The following OSBP2 variants were observed in gnomAD, a reference collection of about 807,000 sequenced individuals.
The protein encoded by OSBP2 is oxysterol-binding protein 2.
Under a neutral mutation model 96.0 loss-of-function variants are expected in OSBP2, and 66 were observed. That is an observed-to-expected ratio of 0.69 (90% CI 0.56 to 0.84). The LOEUF is 0.84. Ranked by LOEUF, OSBP2 falls within the 40% of genes least tolerant of loss-of-function variation. OSBP2 has a pLI of 0.00. For missense variants in OSBP2, 1,038 were observed against 1,222.7 expected, an observed-to-expected ratio of 0.85 and a Z score of 2.25; for synonymous variants, 525 against 520.9, an observed-to-expected ratio of 1.01 and a Z score of -0.11.
chr22:30,825,359 A>G (rs1424270908), intron 2 of OSBP2, among the ~76,000 whole-genome samples: 1 of 152,130 alleles, frequency 6.6e-6, no homozygotes, highest in African/African-American at 2.4e-5. Flanking sequence ...ATGGTGGCGT[A>G]TGCCTGTAAT....
chr22:30,799,158 G>T (rs1419178814), intron 2 of OSBP2, among the ~76,000 whole-genome samples: 2 of 149,472 alleles, frequency 1.3e-5, no homozygotes, highest in Admixed American at 6.7e-5. Context: ...CGCCCAGGCT[G>T]GAGTGCAGCG....
intron 3 of OSBP2, among the ~76,000 whole-genome samples, chr22:30,879,026 CAG>C (rs2039642940): frequency 6.6e-6 from 1 of 152,190 alleles, no homozygotes; most frequent in African/African-American, 2.4e-5. Flanking sequence ...GGCCCTCAGA[CAG>C]GGCTTCTGAT....
At chr22:30,722,090 C>G (rs1602170117) in intron 1 of OSBP2, among the ~76,000 whole-genome samples, 1 of 152,098 alleles carries the variant, frequency 6.6e-6, no homozygotes, top group East Asian at 1.9e-4. Flanking sequence ...GAAATAGATC[C>G]AGCCCTGTGC....
intron 1 of OSBP2, among the ~76,000 whole-genome samples, chr22:30,730,806 ATAATT>A (rs778658244): frequency 0.029 from 1,187 of 41,530 alleles, 127 homozygotes; most frequent in Middle Eastern, 0.069. Context: ...ATATATATAT[ATAATT>A]TTTTTTTTTT....
chr22:30,855,541 G>A (rs937490897), intron 2 of OSBP2, among the ~76,000 whole-genome samples: 2 of 152,182 alleles, frequency 1.3e-5, no homozygotes, highest in Non-Finnish European at 2.9e-5. Flanking sequence ...TGCTGCACAG[G>A]TCTCTGTCTT....
In OSBP2 at chr22:30,749,237, A is replaced by C. The variant is rs140276870; in HGVS notation, c.853+7868A>C. 4.8e-4 allele frequency among the ~76,000 whole-genome samples: 73 copies of C among 152,358 alleles called. No individual in the cohort carries two copies. The East Asian group carries it at 0.013, about 27-fold the overall frequency. ...TAATTCTTGATTTTAGCAAGAATTT[A>C]TGAGTGTACTATTATTTTTAAATCA... On this transcript the variant is annotated intron_variant, in intron 2 of 13. Coordinates refer to ENST00000332585, the MANE Select transcript of OSBP2 (RefSeq NM_030758.4).
chr22:30,709,245 A>C (rs867244423), intron 1 of OSBP2, among the ~76,000 whole-genome samples: 5 of 152,152 alleles, frequency 3.3e-5, no homozygotes, highest in African/African-American at 9.7e-5. Context: ...AAATGTCATA[A>C]ATTTTTTTTT....
intron 2 of OSBP2, among the ~76,000 whole-genome samples, chr22:30,828,936 G>A (rs537454823): frequency 1.3e-5 from 2 of 152,204 alleles, no homozygotes; most frequent in South Asian, 4.1e-4. Flanking sequence ...GGAGGGAAAA[G>A]AGGGTCATGA....
chr22:30,900,242 G>A (rs764859342), intron 12 of OSBP2, among the ~76,000 whole-genome samples: 5 of 142,650 alleles, frequency 3.5e-5, no homozygotes, highest in Admixed American at 7.2e-5. Context: ...CAACAAGAGC[G>A]AAACTCCATC....
At chr22:30,851,602 C>T (rs114951490) in intron 2 of OSBP2, among the ~76,000 whole-genome samples, 1 of 152,100 alleles carries the variant, frequency 6.6e-6, no homozygotes, top group African/African-American at 2.4e-5. Context: ...CCTTATTGCA[C>T]TGACTGGAAC....
At chr22:30,875,334 C>A (rs2039555566) in intron 3 of OSBP2, among the ~76,000 whole-genome samples, 2 of 152,010 alleles carry the variant, frequency 1.3e-5, no homozygotes, top group Non-Finnish European at 2.9e-5. Context: ...TCCAGCCTCC[C>A]TCTGCCTTGT....
At chr22:30,821,642 A>G (rs2146978840) in intron 2 of OSBP2, among the ~76,000 whole-genome samples, 1 of 152,200 alleles carries the variant, frequency 6.6e-6, no homozygotes, top group African/African-American at 2.4e-5. Context: ...CCCACCACAC[A>G]TCCCACGGAG....
intron 1 of OSBP2, among the ~76,000 whole-genome samples, chr22:30,733,308 A>C (rs1408120016): frequency 6.6e-6 from 1 of 152,228 alleles, no homozygotes; most frequent in Non-Finnish European, 1.5e-5. Context: ...GCTTTGCAGC[A>C]AACTGTAAGG....
chr22:30,712,917 G>GT (rs1479271752), intron 1 of OSBP2, among the ~76,000 whole-genome samples: 4 of 151,432 alleles, frequency 2.6e-5, no homozygotes, highest in South Asian at 2.1e-4. Context: ...GGTTTTTGTT[G>GT]TTTTTTTTGA....
chr22:30,851,191 A>G (rs749180960), intron 2 of OSBP2, among the ~76,000 whole-genome samples: 9 of 152,008 alleles, frequency 5.9e-5, no homozygotes, highest in Non-Finnish European at 1.0e-4. Context: ...CCTCCTGAGT[A>G]GCTAGAATTA....
chr22:30,823,249 C>G (rs539094329), intron 2 of OSBP2, among the ~76,000 whole-genome samples: 3 of 152,210 alleles, frequency 2.0e-5, no homozygotes, highest in South Asian at 2.1e-4. Context: ...TGTGCAGGCT[C>G]ACAAGCCCAA....
At chr22:30,798,886 C>T (rs1468917224) in intron 2 of OSBP2, among the ~76,000 whole-genome samples, 6 of 151,884 alleles carry the variant, frequency 4.0e-5, no homozygotes, top group African/African-American at 9.7e-5. Context: ...TGGTGGCACA[C>T]GTCTGTAGTC....
intron 2 of OSBP2, among the ~76,000 whole-genome samples, chr22:30,799,403 C>T (rs1461998364): frequency 1.3e-5 from 2 of 152,210 alleles, no homozygotes; most frequent in African/African-American, 2.4e-5. Context: ...GGATTACAGG[C>T]GTGAGCCGCC....
intron 1 of OSBP2, among the ~76,000 whole-genome samples, chr22:30,736,225 A>G (rs2089853255): frequency 6.6e-6 from 1 of 152,164 alleles, no homozygotes; most frequent in Non-Finnish European, 1.5e-5. Flanking sequence ...GAAGTGATTC[A>G]TCTTCTAAGC....
Sources: gnomAD v4.1 joint callset for allele counts (sites outside exome capture counted in the v4.1 genomes callset) on GRCh38, gnomAD v4.1.1 for gene constraint, MANE v1.5 for transcripts, NCBI Gene and HGNC (gene_info 2026-07-23, HGNC 2026-07-21) for gene names.